The following ASIP variants were observed in gnomAD, a reference collection of about 807,000 sequenced individuals.
ASIP encodes agouti-signaling protein.
ASIP carries 11 observed loss-of-function variants against 10.3 expected under a neutral mutation model. The ratio of observed to expected loss-of-function variants is 1.07; its 90% CI spans 0.68 to 1.78. The LOEUF (loss-of-function observed/expected upper bound fraction) is 1.78. Among genes scored for constraint, ASIP ranks in the 40% most tolerant of loss-of-function variants. ASIP has a pLI of 0.00. For missense variants in ASIP, 180 were observed against 169.2 expected, an observed-to-expected ratio of 1.06 and a Z score of -0.35; for synonymous variants, 70 against 70.8, an observed-to-expected ratio of 0.99 and a Z score of 0.06.
chr20:34,243,436 T>A (rs528026769), intron 1 of ASIP, among the ~76,000 whole-genome samples: 55 of 152,056 alleles, frequency 3.6e-4, no homozygotes, highest in African/African-American at 1.1e-3. Context: ...ATCAAATAAT[T>A]TTAGTGTTGT....
upstream of ASIP, among the ~76,000 whole-genome samples, chr20:34,237,613 C>A (rs941675463): frequency 2.0e-5 from 3 of 152,152 alleles, no homozygotes; most frequent in African/African-American, 7.2e-5. Flanking sequence ...TCATTTTACT[C>A]CTTCCTTTTT....
chr20:34,208,599 C>T lies in ASIP; in HGVS notation c.-11+13839C>T, dbSNP rs938536499. On this transcript the variant is annotated intron_variant, in intron 1 of 3. Transcript: ENST00000568305. The stretch of plus-strand genomic sequence containing the variant: ...AACTCCTGGGCTCAAGTGATCCTCC[C>T]ACCTTGGCCTCTCAAAGTGCTAGGA... Among the ~76,000 whole-genome samples the T allele has an allele frequency of 4.6e-5, 7 of 152,286 alleles. No individual in the cohort carries two copies. In the East Asian group the frequency reaches 1.4e-3, roughly 29 times the overall value.
At chr20:34,255,028 C>G (rs1184498526) in intron 1 of ASIP, among the ~76,000 whole-genome samples, 7 of 152,122 alleles carry the variant, frequency 4.6e-5, no homozygotes, top group Non-Finnish European at 8.8e-5. Context: ...GGGGATTTGA[C>G]CTGGTGAGAT....
chr20:34,241,501 T>C lies in ASIP; in HGVS notation c.-11+12T>C. The C allele has an allele frequency of 3.0e-6, 3 of 985,472 alleles. No individual in the cohort carries two copies. Among genetic ancestry groups the C allele is most frequent in the Non-Finnish European group, 3.6e-6 (3 of 829,942 alleles). The allele number at this position is 985,472 out of a possible 1,614,324, so 61.0% of individuals were successfully genotyped here. A position where few individuals can be genotyped will look rare whatever the true frequency, so the allele number is the denominator to read the frequency against. On this transcript the variant is annotated intron_variant, in intron 1 of 3. Coordinates refer to ENST00000374954, the MANE Select transcript of ASIP (RefSeq NM_001672.3). ...TTGCGGGAAAGCATGTGAGTTTAGATGGCAACTTTAATCTGCTTTCAGGAG... is the reference window on the plus strand; with the variant it reads ...TTGCGGGAAAGCATGTGAGTTTAGACGGCAACTTTAATCTGCTTTCAGGAG...
rs550252332 is a variant in ASIP, at chr20:34,261,204, G to A, written c.160+670G>A. 8.5e-5 allele frequency among the ~76,000 whole-genome samples: 13 copies of A among 152,298 alleles called. No homozygotes were observed. The South Asian group carries it at 2.7e-3, about 32-fold the overall frequency. ...ACTACCTCGGCTTTTGCTAGGAAACGAGGATATTTGAGGCTGGGTGAGGTG... is the reference window on the plus strand; with the variant it reads ...ACTACCTCGGCTTTTGCTAGGAAACAAGGATATTTGAGGCTGGGTGAGGTG... On this transcript the variant is annotated intron_variant, in intron 2 of 3. Transcript: ENST00000374954.
At chr20:34,220,704 A>G (rs1252229010) in intron 1 of ASIP, among the ~76,000 whole-genome samples, 4 of 152,172 alleles carry the variant, frequency 2.6e-5, no homozygotes, top group African/African-American at 9.7e-5. Flanking sequence ...CTGAACTGAC[A>G]TAGGGAGGCA....
intron 1 of ASIP, among the ~76,000 whole-genome samples, chr20:34,256,905 C>G (rs893645372): frequency 1.6e-4 from 24 of 151,982 alleles, no homozygotes; most frequent in Non-Finnish European, 2.9e-4. Context: ...CTCAGCCACC[C>G]GAGTAGCTGG....
intron 1 of ASIP, among the ~76,000 whole-genome samples, chr20:34,248,493 C>T (rs553262686): frequency 6.6e-6 from 1 of 152,240 alleles, no homozygotes; most frequent in Admixed American, 6.5e-5. Context: ...TCTCAGAGGG[C>T]AAATCCTCAC....
At position 34,218,226 on chromosome 20, in the gene ASIP, T is replaced by C. The variant is rs375542914; in HGVS notation, c.-11+23466T>C. Among the ~76,000 whole-genome samples the C allele has an allele frequency of 1.1e-4, 17 of 152,278 alleles. 1 individual carries two copies. Among genetic ancestry groups the C allele is most frequent in the African/African-American group, 3.6e-4 (15 of 41,558 alleles). ...ACTTTATTAATGATTTTGGAGACAATTGGGAAATTGCGAGCATGGAGGTTT... is the reference window on the plus strand; with the variant it reads ...ACTTTATTAATGATTTTGGAGACAACTGGGAAATTGCGAGCATGGAGGTTT... On this transcript the variant is annotated intron_variant, in intron 1 of 3. Coordinates refer to the ASIP transcript ENST00000568305.
chr20:34,226,605 CA>C (rs1465272308), intron 1 of ASIP, among the ~76,000 whole-genome samples: 2 of 152,182 alleles, frequency 1.3e-5, no homozygotes, highest in East Asian at 3.9e-4. Context: ...CCACCCGCCT[CA>C]GCCTCCTAAA....
chr20:34,256,101 T>C (rs982832090), intron 1 of ASIP, among the ~76,000 whole-genome samples: 5 of 152,238 alleles, frequency 3.3e-5, no homozygotes, highest in Non-Finnish European at 5.9e-5. Context: ...TTAGTAAAAG[T>C]ACTAAAGTCT....
chr20:34,258,880 T>C (rs1469387130), intron 1 of ASIP, among the ~76,000 whole-genome samples: 1 of 129,504 alleles, frequency 7.7e-6, no homozygotes, highest in Non-Finnish European at 1.6e-5. Context: ...ATACTATATA[T>C]ATAGTATTAT....
chr20:34,236,225 A>G (rs1456801293), intron 1 of ASIP, among the ~76,000 whole-genome samples: 1 of 152,190 alleles, frequency 6.6e-6, no homozygotes, highest in Non-Finnish European at 1.5e-5. Flanking sequence ...TGCTAGCTCT[A>G]GGTGGTTTAA....
chr20:34,257,345 A>G (rs563125079), intron 1 of ASIP, among the ~76,000 whole-genome samples: 1 of 152,048 alleles, frequency 6.6e-6, no homozygotes, highest in South Asian at 2.1e-4. Flanking sequence ...TCAGCCTCCC[A>G]AAGTGCTGGG....
chr20:34,232,376 T>G (rs1219426852), intron 1 of ASIP, among the ~76,000 whole-genome samples: 1 of 152,204 alleles, frequency 6.6e-6, no homozygotes, highest in East Asian at 1.9e-4. Flanking sequence ...TCTTGACTTC[T>G]TGAGAGATTT....
intron 1 of ASIP, among the ~76,000 whole-genome samples, chr20:34,210,244 T>C (rs138523292): frequency 2.3e-4 from 35 of 152,364 alleles, no homozygotes; most frequent in African/African-American, 7.9e-4. Context: ...AAGAGAAGGA[T>C]AGAAGAGCTG....
At chr20:34,214,040 G>T in intron 1 of ASIP, 1 of 1,375,280 alleles carries the variant, frequency 7.3e-7, no homozygotes, top group South Asian at 1.2e-5. Context: ...CTTTCTGCCG[G>T]GTATTCATTA....
intron 1 of ASIP, among the ~76,000 whole-genome samples, chr20:34,223,183 G>T (rs1464447516): frequency 6.6e-6 from 1 of 151,546 alleles, no homozygotes; most frequent in East Asian, 1.9e-4. Context: ...AGGAAGTGAG[G>T]AGCGCCTCTT....
chr20:34,260,947 T>C (rs1417083033), intron 2 of ASIP, among the ~76,000 whole-genome samples: 2 of 152,210 alleles, frequency 1.3e-5, no homozygotes, highest in Non-Finnish European at 2.9e-5. Flanking sequence ...TGAGGGGCAC[T>C]GGAGCCTGGC....
Sources: gnomAD v4.1 joint callset for allele counts (sites outside exome capture counted in the v4.1 genomes callset) on GRCh38, gnomAD v4.1.1 for gene constraint, MANE v1.5 for transcripts, NCBI Gene and HGNC (gene_info 2026-07-23, HGNC 2026-07-21) for gene names.